The following TBC1D1 variants were observed in gnomAD, a reference collection of about 807,000 sequenced individuals.
TBC1D1 encodes the protein TBC1 domain family member 1.
TBC1D1 carries 89 observed loss-of-function variants against 125.6 expected under a neutral mutation model. That is an observed-to-expected ratio of 0.71 (90% confidence interval 0.60 to 0.85). The LOEUF (loss-of-function observed/expected upper bound fraction) is 0.85, where lower values mean the gene tolerates loss of function less well. TBC1D1 is among the 40% of genes least tolerant of loss of function. The probability of loss-of-function intolerance (pLI) is 0.00; values close to 1 mark genes in which losing one functional copy is unlikely to be tolerated. For synonymous variants in TBC1D1, 565 were observed against 564.1 expected (o/e 1.00, Z -0.02); for missense variants, 1,377 against 1,469.2 (o/e 0.94, Z 1.03).
chr4:37,995,605 T>G lies in TBC1D1; in HGVS notation c.418-18904T>G. 2.1e-6 allele frequency: 1 copy of G among 480,334 alleles called. No homozygotes were observed. Among genetic ancestry groups the G allele is most frequent in the Non-Finnish European group, 4.1e-6 (1 of 242,592 alleles). The allele number at this position is 480,334 out of a possible 1,614,324, so 29.8% of individuals were successfully genotyped here. On this transcript the variant is annotated intron_variant, in intron 2 of 19. Coordinates refer to ENST00000261439, the MANE Select transcript of TBC1D1 (RefSeq NM_015173.4). This position sits in a 1 kb window ranked among gnomAD's most constrained non-coding sequence, Gnocchi z 4.3. ...GGCCTTCAGGTCCAGTACCCTGGCCTTGACCTCCCCATAGGCTGTCTTATC... is the reference window on the plus strand; with the variant it reads ...GGCCTTCAGGTCCAGTACCCTGGCCGTGACCTCCCCATAGGCTGTCTTATC...
chr4:38,021,774 A>G, intron 6 of TBC1D1, 56 bp downstream of exon 6: 1 of 1,432,012 alleles, frequency 7.0e-7, no homozygotes. Flanking sequence ...GTCCCAGGAG[A>G]ACTTTAGATG....
At chr4:37,972,477 G>C (rs375174272) in intron 2 of TBC1D1, among the ~76,000 whole-genome samples, 5 of 75,472 alleles carry the variant, frequency 6.6e-5, no homozygotes, top group African/African-American at 2.7e-4. Context: ...GGGAAACGCC[G>C]TTTCAAAAAA....
Position 38,118,021 on chromosome 4 carries a change from G to A in TBC1D1, c.2803-12G>A. 1 of 1,613,696 alleles carries A rather than the reference G, an allele frequency of 6.2e-7. No individual in the cohort carries two copies. Among genetic ancestry groups the A allele is most frequent in the Non-Finnish European group, 8.5e-7 (1 of 1,179,794 alleles). ...TCCCTAATTCTCAGCCCTTGTGGCTGTCTTCCTGCAGATCCAGATGTACCA... is the reference window on the plus strand; with the variant it reads ...TCCCTAATTCTCAGCCCTTGTGGCTATCTTCCTGCAGATCCAGATGTACCA... On this transcript the variant is annotated splice_polypyrimidine_tract_variant and intron_variant, in intron 16 of 19. Coordinates refer to ENST00000261439, the MANE Select transcript of TBC1D1 (RefSeq NM_015173.4).
intron 2 of TBC1D1, among the ~76,000 whole-genome samples, chr4:37,988,823 G>A (rs952194053): frequency 2.7e-4 from 41 of 152,098 alleles, no homozygotes; most frequent in African/African-American, 8.2e-4. Context: ...TGAAAAACTC[G>A]TTCAGGTCGT....
At position 38,118,323 on chromosome 4, in the gene TBC1D1, C is replaced by A; in HGVS notation, c.2962+131C>A. 3 of 1,125,538 alleles carry A rather than the reference C, an allele frequency of 2.7e-6. 1 individual carries two copies. Among genetic ancestry groups the A allele is most frequent in the Middle Eastern group, 5.7e-4 (2 of 3,532 alleles). The allele number at this position is 1,125,538 out of a possible 1,614,324, so 69.7% of individuals were successfully genotyped here. A position where few individuals can be genotyped will look rare whatever the true frequency, so the allele number is the denominator to read the frequency against. On this transcript the variant is annotated intron_variant, in intron 17 of 19. Transcript: ENST00000261439. ...CCAGAACAGGGTATTGTTTGATAGT[C>A]TAAGATTAGTCAGGGGTGGGTTTTG...
At chr4:38,107,878 G>T (rs927563126) in intron 15 of TBC1D1, among the ~76,000 whole-genome samples, 1 of 152,030 alleles carries the variant, frequency 6.6e-6, no homozygotes, top group Non-Finnish European at 1.5e-5. Flanking sequence ...GCACCATGTT[G>T]CTTCTGTGTT....
intron 11 of TBC1D1, among the ~76,000 whole-genome samples, chr4:38,052,723 C>CGT (rs200670623): frequency 0.088 from 6,589 of 74,808 alleles, 215 homozygotes; most frequent in Non-Finnish European, 0.1. Context: ...CGCGCGCGCG[C>CGT]GCGCGCACAC....
intron 18 of TBC1D1, among the ~76,000 whole-genome samples, chr4:38,127,707 A>T (rs552470876): frequency 8.5e-5 from 13 of 152,130 alleles, no homozygotes; most frequent in Non-Finnish European, 1.6e-4. Context: ...TAACTCTAGG[A>T]CATAGGTATT....
rs749501708 is a variant in TBC1D1, at chr4:38,014,510, T to TA, written c.419_420insA (p.Pro141AlafsTer2). On this transcript the variant is annotated frameshift_variant and splice_region_variant, in exon 3 of 20. Coordinates refer to ENST00000261439, the MANE Select transcript of TBC1D1 (RefSeq NM_015173.4). LOFTEE classifies it high-confidence loss of function. The surrounding 1 kb of genome is among the most constrained non-coding windows in gnomAD (Gnocchi z 5.1). ...TAACACGCCTCTCTCTCTCCTCAGG[T>TA]GCCTGAGATCATCAGCTCCATCCGT... is the stretch of plus-strand genomic sequence containing the variant. 1.2e-6 allele frequency: 2 copies of TA among 1,611,328 alleles called. No individual in the cohort carries two copies. The highest frequency in any genetic ancestry group is 2.7e-5 in the African/African-American group (2 of 74,894).
chr4:37,915,717 C>T (rs373725944), intron 2 of TBC1D1, among the ~76,000 whole-genome samples: 10 of 152,142 alleles, frequency 6.6e-5, no homozygotes, highest in African/African-American at 2.4e-4. Flanking sequence ...GTCCCCTGTG[C>T]ACCCATATTA....
intron 2 of TBC1D1, among the ~76,000 whole-genome samples, chr4:37,920,328 C>T (rs1720687961): frequency 6.6e-6 from 1 of 152,134 alleles, no homozygotes; most frequent in Non-Finnish European, 1.5e-5. Context: ...GTGCAGGCCA[C>T]TAGGTGAGCT....
intron 12 of TBC1D1, among the ~76,000 whole-genome samples, chr4:38,080,270 C>T (rs558385599): frequency 1.2e-4 from 18 of 150,044 alleles, no homozygotes; most frequent in Non-Finnish European, 2.2e-4. Flanking sequence ...ACAATGTAAA[C>T]GACCAATGTT....
intron 2 of TBC1D1, among the ~76,000 whole-genome samples, chr4:37,916,411 C>A (rs964326432): frequency 6.6e-6 from 1 of 151,784 alleles, no homozygotes; most frequent in Non-Finnish European, 1.5e-5. Context: ...AGAGGTGCAT[C>A]GTTTTTAGCA....
intron 11 of TBC1D1, 46 bp from the exon 13 acceptor site, chr4:38,053,060 T>G: frequency 7.7e-7 from 1 of 1,300,928 alleles, no homozygotes; most frequent in Non-Finnish European, 9.9e-7. Context: ...TACTTTGTGT[T>G]TTTATGTTTC....
Position 38,137,657 on chromosome 4 carries a change from A to G in TBC1D1, c.*322A>G, listed in dbSNP as rs1766867566. 3.7e-6 allele frequency: 1 copy of G among 273,050 alleles called. No individual in the cohort carries two copies. Among genetic ancestry groups the G allele is most frequent in the African/African-American group, 2.2e-5 (1 of 45,810 alleles). 16.9% of individuals were successfully genotyped at this position (273,050 alleles called of 1,614,324 possible). ...TTTTTGAGTGTCACTGTGTTTGTAA[A>G]GAGCATTCACAATACGGTGGAATTT... On this transcript the variant is annotated 3_prime_UTR_variant, in exon 20 of 20. Coordinates refer to ENST00000261439, the MANE Select transcript of TBC1D1 (RefSeq NM_015173.4).
intron 2 of TBC1D1, among the ~76,000 whole-genome samples, chr4:38,011,791 G>C (rs551390871): frequency 6.6e-6 from 1 of 152,228 alleles, no homozygotes; most frequent in South Asian, 2.1e-4. Context: ...AGGAGAGATT[G>C]GTCCTTGGAA....
At chr4:38,008,541 A>G (rs976990322) in intron 2 of TBC1D1, among the ~76,000 whole-genome samples, 1 of 152,210 alleles carries the variant, frequency 6.6e-6, no homozygotes, top group African/African-American at 2.4e-5. Context: ...GGGATGAAAG[A>G]TCAAGACCCA....
chr4:38,063,638 T>A (rs531920881), intron 12 of TBC1D1, among the ~76,000 whole-genome samples: 22 of 151,816 alleles, frequency 1.4e-4, no homozygotes, highest in East Asian at 5.8e-4. Flanking sequence ...TTTTTATTTT[T>A]TATTTTTTGA....
At chr4:37,945,275 A>G (rs979841751) in intron 2 of TBC1D1, among the ~76,000 whole-genome samples, 4 of 151,934 alleles carry the variant, frequency 2.6e-5, no homozygotes, top group African/African-American at 9.7e-5. Context: ...GCACTTCGGG[A>G]GGCTGAGGCG....
Sources: allele counts gnomAD v4.1 joint callset (sites outside exome capture counted in the v4.1 genomes callset), GRCh38; gene constraint gnomAD v4.1.1; non-coding constraint Gnocchi (gnomAD v3.1); transcripts MANE v1.5; gene names NCBI Gene and HGNC (gene_info 2026-07-23, HGNC 2026-07-21).